ITGA5: variants seen among roughly 807,000 people sequenced by gnomAD.
The protein encoded by ITGA5 is integrin alpha-5.
Under a neutral mutation model 146.3 loss-of-function variants are expected in ITGA5, and 55 were observed. The observed-to-expected ratio is 0.38, with a 90% confidence interval of 0.30 to 0.47. ITGA5 has a LOEUF of 0.47. ITGA5 is among the 20% of genes least tolerant of loss of function. The pLI is 0.99. For missense variants in ITGA5, 1,131 were observed against 1,329.0 expected (o/e 0.85, Z 2.32); for synonymous variants, 500 against 531.8 (o/e 0.94, Z 0.82).
intron 14 of ITGA5, 88 bp downstream of exon 14, chr12:54,404,342 C>T: frequency 6.4e-7 from 1 of 1,569,724 alleles, no homozygotes; most frequent in Non-Finnish European, 8.8e-7. Flanking sequence ...GTGTCCTCTG[C>T]ATTGATTTTC....
At chr12:54,413,137 T>C (rs1370003878) in intron 1 of ITGA5, 2 of 152,338 alleles carry the variant, frequency 1.3e-5, no homozygotes, top group African/African-American at 2.4e-5. Flanking sequence ...TCCCTGATAT[T>C]TGAATACCTT....
chr12:54,405,847 G>C (rs763789695), intron 10 of ITGA5, 23 bp downstream of exon 10: 1 of 1,611,922 alleles, frequency 6.2e-7, no homozygotes, highest in Non-Finnish European at 8.5e-7. Flanking sequence ...CCAAGCTGGG[G>C]TGGGGTTGAG....
chr12:54,411,113 C>T (rs1000212357), intron 2 of ITGA5, among the ~76,000 whole-genome samples: 11 of 151,952 alleles, frequency 7.2e-5, no homozygotes, highest in African/African-American at 1.5e-4. Context: ...CCTCCTGCCT[C>T]GGCCTCCCAA....
chr12:54,403,202 G>A lies in ITGA5; in HGVS notation c.1899C>T (p.Ser633=). The change falls in exon 18 of 30, where the codon AGC becomes AGT. Residue 633 remains serine, a synonymous_variant. Coordinates refer to ENST00000293379, the MANE Select transcript of ITGA5 (RefSeq NM_002205.5). The surrounding 1 kb of genome is among the most constrained non-coding windows in gnomAD (Gnocchi z 4.9). ...CTGTCCTCACCTTGTCCTCTATCCG[G>A]CTCTTGCTCTGATAATGTAGGGCTG... ...LRPALHYQSK[S]RIEDKAQILL... 1 of 1,559,636 alleles carries A rather than the reference G, an allele frequency of 6.4e-7. No homozygotes were observed. Among genetic ancestry groups the A allele is most frequent in the Non-Finnish European group, 8.7e-7 (1 of 1,154,332 alleles).
intron 29 of ITGA5, 68 bp downstream of exon 29, chr12:54,397,297 G>T: frequency 1.3e-6 from 2 of 1,583,760 alleles, no homozygotes; most frequent in Admixed American, 1.7e-5. Context: ...TAGATACTTG[G>T]GACTGTGCCA....
At chr12:54,414,700 A>T (rs1955984542) in intron 1 of ITGA5, among the ~76,000 whole-genome samples, 1 of 150,782 alleles carries the variant, frequency 6.6e-6, no homozygotes, top group Non-Finnish European at 1.5e-5. Context: ...CAAAAAAATT[A>T]TCCGGGCGTG....
chr12:54,398,525 C>A, intron 28 of ITGA5, 72 bp downstream of exon 28: 1 of 1,108,196 alleles, frequency 9.0e-7, no homozygotes, highest in Non-Finnish European at 1.4e-6. Context: ...CCAGCCCTCA[C>A]CCAAGTCCCA....
intron 1 of ITGA5, among the ~76,000 whole-genome samples, chr12:54,418,287 A>T (rs1375445851): frequency 6.9e-6 from 1 of 144,622 alleles, no homozygotes; most frequent in African/African-American, 2.6e-5. Flanking sequence ...CCAGGGCCCC[A>T]GTGCCAGGGT....
Position 54,419,108 on chromosome 12 carries a change from G to A in ITGA5, c.91C>T (p.Leu31=). 1 of 1,591,824 alleles carries A rather than the reference G, an allele frequency of 6.3e-7. No homozygotes were observed. The highest frequency in any genetic ancestry group is 8.5e-7 in the Non-Finnish European group (1 of 1,171,612). The part of the protein sequence containing the change: ...RRPPLLPLLL[L]LLPPPPRVGG... ...ACCCTGGGTGGCGGCGGCAGCAGCA[G>A]CAACAGCAGCGGCAGCAGCGGGGGT... Residue 31 remains leucine, a synonymous_variant, in exon 1 of 30, where the codon CTG becomes TTG. Coordinates refer to ENST00000293379, the MANE Select transcript of ITGA5 (RefSeq NM_002205.5).
rs766664089 is a variant in ITGA5 at position 54,404,731 on chromosome 12, G to A, written c.1389C>T (p.Gly463=). The change falls in exon 13 of 30, where the codon GGC becomes GGT. Residue 463 remains glycine, a synonymous_variant. Transcript: ENST00000293379. ...PDFFGSALRG[G]RDLDGNGYPD... ...GATATCCATTGCCATCCAGGTCTCG[G>A]CCTCCTCGAAGGGCAGAGCCAAAGA... 3.8e-5 allele frequency: 62 copies of A among 1,613,934 alleles called. No homozygotes were observed. In the Admixed American group the frequency reaches 9.0e-4, roughly 23 times the overall value.
intron 2 of ITGA5, 58 bp downstream of exon 2, chr12:54,411,776 C>T: frequency 1.5e-6 from 2 of 1,377,976 alleles, no homozygotes; most frequent in South Asian, 1.7e-5. Context: ...CCCACCCAGG[C>T]CTTGCCCCCA....
intron 1 of ITGA5, among the ~76,000 whole-genome samples, chr12:54,418,648 A>C: frequency 6.9e-6 from 1 of 145,390 alleles, no homozygotes; most frequent in Non-Finnish European, 1.5e-5. Context: ...CAGCCCACAG[A>C]CTTCAGCCAG....
intron 29 of ITGA5, 59 bp downstream of exon 29, chr12:54,397,306 C>T: frequency 1.2e-6 from 2 of 1,603,934 alleles, no homozygotes; most frequent in South Asian, 2.2e-5. Flanking sequence ...GGGACTGTGC[C>T]AGGTCAAGGG....
At chr12:54,410,309 A>G (rs1955926290) in intron 2 of ITGA5, among the ~76,000 whole-genome samples, 2 of 147,284 alleles carry the variant, frequency 1.4e-5, no homozygotes, top group South Asian at 2.1e-4. Flanking sequence ...CTTTGTCTAT[A>G]CTTGGACTGT....
rs140478060 is a variant in ITGA5, at chr12:54,403,926, C to T, written c.1606G>A (p.Val536Ile). The T allele has an allele frequency of 6.9e-5, 112 of 1,614,194 alleles. No homozygotes were observed. Among genetic ancestry groups the T allele is most frequent in the African/African-American group, 5.5e-4 (41 of 75,058 alleles). The change falls in exon 16 of 30, where the codon GTT (valine) becomes ATT (isoleucine). Residue 536 changes from valine (V) to isoleucine (I), a missense_variant. Val to Ile is a conservative substitution (Grantham distance 29, BLOSUM62 3). Around this residue, in one of 3 missense-constraint regions of ITGA5, gnomAD observed 889 missense variants for 1,021.5 expected, o/e 0.87. Coordinates refer to ENST00000293379, the MANE Select transcript of ITGA5 (RefSeq NM_002205.5). The surrounding 1 kb of genome is among the most constrained non-coding windows in gnomAD (Gnocchi z 4.9). ...SFCLNASGKH[V>I]ADSIGFTVEL... ...TCTCCCTCACCAATGGAGTCAGCAACGTGTTTTCCAGAAGCATTGAGGCAG... is the reference window on the plus strand; with the variant it reads ...TCTCCCTCACCAATGGAGTCAGCAATGTGTTTTCCAGAAGCATTGAGGCAG...
At chr12:54,404,549 T>A in intron 13 of ITGA5, 74 bp from the exon 14 acceptor site, 1 of 1,573,794 alleles carries the variant, frequency 6.4e-7, no homozygotes, top group East Asian at 2.2e-5. Flanking sequence ...CCCTCCTGGT[T>A]TCAACGCTCA....
intron 29 of ITGA5, 119 bp downstream of exon 29, chr12:54,397,246 G>GTCCT (rs1955722578): frequency 9.1e-7 from 1 of 1,100,088 alleles, no homozygotes; most frequent in Non-Finnish European, 1.4e-6. Flanking sequence ...ATGTAGCCAG[G>GTCCT]ACAGAGGTGG....
intron 1 of ITGA5, 37 bp from the exon 2 acceptor site, chr12:54,412,001 C>T (rs1242679504): frequency 6.6e-7 from 1 of 1,518,548 alleles, no homozygotes. Flanking sequence ...GAGGATGGCT[C>T]CTAGCTTTTC....
chr12:54,401,742 G>T lies in ITGA5; in HGVS notation c.2306+34C>A. The T allele has an allele frequency of 6.2e-7, 1 of 1,611,844 alleles. No homozygotes were observed. Among genetic ancestry groups the T allele is most frequent in the Non-Finnish European group, 8.5e-7 (1 of 1,177,954 alleles). On this transcript the variant is annotated intron_variant, in intron 22 of 29. Coordinates refer to ENST00000293379, the MANE Select transcript of ITGA5 (RefSeq NM_002205.5). This position sits in a 1 kb window ranked among gnomAD's most constrained non-coding sequence, Gnocchi z 5.0. ...CGCCCAGCCCTCCCTTCCGTCCCCA[G>T]CTCAGCCCCAGCCTAGACACACTCA...
Sources: allele counts gnomAD v4.1 joint callset (sites outside exome capture counted in the v4.1 genomes callset), GRCh38; gene constraint gnomAD v4.1.1; regional missense constraint gnomAD v4.1.1; non-coding constraint Gnocchi (gnomAD v3.1); transcripts MANE v1.5; gene names NCBI Gene and HGNC (gene_info 2026-07-23, HGNC 2026-07-21).